Variants in BST1 observed in about 807,000 individuals in gnomAD.
The protein encoded by BST1 is ADP-ribosyl cyclase/cyclic ADP-ribose hydrolase 2.
BST1 carries 49 observed loss-of-function variants against 40.6 expected under a neutral mutation model. The observed-to-expected ratio is 1.21, with a 90% CI of 0.96 to 1.53. The LOEUF (loss-of-function observed/expected upper bound fraction) is 1.53. Ranked by LOEUF, BST1 falls within the 40% of genes most tolerant of loss-of-function variation. BST1 has a pLI of 0.00. For synonymous variants in BST1, 157 were observed against 159.3 expected, an observed-to-expected ratio of 0.99 and a Z score of 0.11; for missense variants, 423 against 395.9, an observed-to-expected ratio of 1.07 and a Z score of -0.58.
chr4:15,716,216 C>T (rs1286151096), intron 6 of BST1, among the ~76,000 whole-genome samples: 1 of 152,232 alleles, frequency 6.6e-6, no homozygotes, highest in Non-Finnish European at 1.5e-5. Flanking sequence ...AGCTCTTCAA[C>T]TGGGTCTTGA....
chr4:15,756,110 A>C, the BST1 span, among the ~76,000 whole-genome samples: 4 of 152,230 alleles, frequency 2.6e-5, no homozygotes, highest in Non-Finnish European at 5.9e-5. Flanking sequence ...TAAAACTGAA[A>C]CAAACAAAAC....
At chr4:15,743,540 T>C in the BST1 span, 1 of 356,278 alleles carries the variant, frequency 2.8e-6, no homozygotes, top group South Asian at 2.3e-5. Context: ...TTAAGGAAGC[T>C]GAGGGCAACA....
intron 8 of BST1, among the ~76,000 whole-genome samples, chr4:15,725,048 A>G (rs1387568707): frequency 3.3e-5 from 5 of 152,162 alleles, no homozygotes; most frequent in African/African-American, 4.8e-5. Flanking sequence ...GCATCACTCT[A>G]CCAGCCCTGA....
chr4:15,738,782 T>A (rs1355081429), downstream of BST1, among the ~76,000 whole-genome samples: 1 of 152,236 alleles, frequency 6.6e-6, no homozygotes, highest in Non-Finnish European at 1.5e-5. Context: ...GAAGCAGGCA[T>A]GTGCCAAGTG....
chr4:15,751,895 G>A, the BST1 span, among the ~76,000 whole-genome samples: 1 of 152,196 alleles, frequency 6.6e-6, no homozygotes, highest in African/African-American at 2.4e-5. Flanking sequence ...TCTCCTTTGT[G>A]TATTATAACA....
the BST1 span, among the ~76,000 whole-genome samples, chr4:15,751,682 A>G: frequency 6.6e-6 from 1 of 151,870 alleles, no homozygotes; most frequent in African/African-American, 2.4e-5. Flanking sequence ...TAGTATATGT[A>G]TATCTTATAG....
rs946437407 is a variant in BST1 at position 15,715,668 on chromosome 4, A to G, written c.612-39A>G. On this transcript the variant is annotated intron_variant, in intron 5 of 8. Coordinates refer to ENST00000265016, the MANE Select transcript of BST1 (RefSeq NM_004334.3). ...TAAATTAACAACTGAAATGGAAAAGATATCATATTGCTTTAGGGCTTCAAG... is the reference window on the plus strand; with the variant it reads ...TAAATTAACAACTGAAATGGAAAAGGTATCATATTGCTTTAGGGCTTCAAG... The G allele has an allele frequency of 8.9e-6, 12 of 1,355,440 alleles. No homozygotes were observed. The Admixed American group carries it at 2.4e-4, about 28-fold the overall frequency. The allele number at this position is 1,355,440 out of a possible 1,614,324, so 84.0% of individuals were successfully genotyped here.
rs146743343 is a variant in BST1, at chr4:15,708,067, G to A, written c.451+421G>A. On this transcript the variant is annotated intron_variant, in intron 3 of 8. Transcript: ENST00000265016. ...ATAGCTAGTAAGCAGCAGACAGTCT[G>A]ACTCCAGAGCCCATTTTCTCAACTT... is the stretch of plus-strand genomic sequence containing the variant. 3.9e-3 allele frequency among the ~76,000 whole-genome samples: 586 copies of A among 152,086 alleles called. 4 individuals carry two copies. Among genetic ancestry groups the A allele is most frequent in the African/African-American group, 0.013 (552 of 41,464 alleles).
the BST1 span, among the ~76,000 whole-genome samples, chr4:15,766,451 C>T: frequency 1.3e-5 from 2 of 151,994 alleles, no homozygotes; most frequent in Admixed American, 6.5e-5. Flanking sequence ...ATGAAATAAA[C>T]AAGGAAGCCT....
In BST1 at chr4:15,718,889, T is replaced by C. The variant is rs1346113415; in HGVS notation, c.705-18T>C. ...CTCTTATTTGCTTACTTTTTAATTA[T>C]ATATTTTCATGTTTTAGGGAATCCT... On this transcript the variant is annotated intron_variant, in intron 6 of 8. Transcript: ENST00000265016. 5.6e-6 allele frequency: 9 copies of C among 1,606,752 alleles called. No individual in the cohort carries two copies. The highest frequency in any genetic ancestry group is 1.1e-5 in the South Asian group (1 of 90,280).
At chr4:15,737,724 A>G, downstream of BST1, 2 of 1,192,316 alleles carry the variant, frequency 1.7e-6, no homozygotes, top group South Asian at 1.3e-5. Flanking sequence ...GGTACCTTAC[A>G]CTTGGCTGTA....
chr4:15,718,868 T>G, intron 6 of BST1, 39 bp from the exon 7 acceptor site: 1 of 1,562,110 alleles, frequency 6.4e-7, no homozygotes, highest in Non-Finnish European at 8.8e-7. Flanking sequence ...TTCCTCCTCT[T>G]ATTTGCTTAC....
chr4:15,763,051 C>A, the BST1 span, among the ~76,000 whole-genome samples: 1 of 151,842 alleles, frequency 6.6e-6, no homozygotes, highest in Non-Finnish European at 1.5e-5. Flanking sequence ...TTCAAAAAAC[C>A]ATGCATTACA....
the BST1 span, chr4:15,743,715 G>A: frequency 6.0e-6 from 1 of 165,390 alleles, no homozygotes; most frequent in Non-Finnish European, 1.3e-5. Flanking sequence ...AATCTCACAT[G>A]TTGAGCCCCT....
rs1269258775 is a variant in BST1, at chr4:15,707,505, C to T, written c.316-6C>T. On this transcript the variant is annotated splice_polypyrimidine_tract_variant and splice_region_variant and intron_variant, in intron 2 of 8. Coordinates refer to ENST00000265016, the MANE Select transcript of BST1 (RefSeq NM_004334.3). ...GTATTTTGATGTTTTGTTTGTCTTT[C>T]CTTAGTCCCTGTTCTGGGAAAATAG... 1.9e-6 allele frequency: 3 copies of T among 1,596,180 alleles called. No homozygotes were observed. Among genetic ancestry groups the T allele is most frequent in the Non-Finnish European group, 2.6e-6 (3 of 1,169,692 alleles).
At chr4:15,769,792 C>T in the BST1 span, among the ~76,000 whole-genome samples, 2 of 151,960 alleles carry the variant, frequency 1.3e-5, no homozygotes, top group African/African-American at 2.4e-5. Context: ...AGTTGGGCTA[C>T]GAGTGGGAGC....
In BST1 at chr4:15,730,354, C is replaced by T. The variant is rs368009054; in HGVS notation, c.852-1386C>T. Among the ~76,000 whole-genome samples the T allele has an allele frequency of 3.3e-5, 5 of 152,292 alleles. No individual in the cohort carries two copies. The East Asian group carries it at 5.8e-4, about 18-fold the overall frequency. ...AGATACTGTTTACTATGAATAGGGT[C>T]CATATTTTGGGCAGGCCCTCTGTTG... On this transcript the variant is annotated intron_variant, in intron 8 of 8. Coordinates refer to ENST00000265016, the MANE Select transcript of BST1 (RefSeq NM_004334.3).
downstream of BST1, among the ~76,000 whole-genome samples, chr4:15,741,819 G>C (rs1323454855): frequency 6.6e-6 from 1 of 152,194 alleles, no homozygotes; most frequent in Non-Finnish European, 1.5e-5. Context: ...GGCCCGCAAA[G>C]CGAAAAGTAT....
chr4:15,743,952 G>A, the BST1 span, among the ~76,000 whole-genome samples: 24 of 152,316 alleles, frequency 1.6e-4, no homozygotes, highest in South Asian at 1.9e-3. Flanking sequence ...GGAATGGAGG[G>A]TGAGAGAGGC....
Sources: gnomAD v4.1 joint callset for allele counts (sites outside exome capture counted in the v4.1 genomes callset) on GRCh38, gnomAD v4.1.1 for gene constraint, MANE v1.5 for transcripts, NCBI Gene and HGNC (gene_info 2026-07-23, HGNC 2026-07-21) for gene names.